Variants in SAXO1 observed in about 807,000 individuals in gnomAD.
SAXO1 encodes the protein 4930500O09Rik.
SAXO1 carries 21 observed loss-of-function variants against 17.5 expected under a neutral mutation model. The observed-to-expected ratio is 1.20, with a 90% CI of 0.85 to 1.72. The LOEUF (loss-of-function observed/expected upper bound fraction) is 1.72. SAXO1 is among the 40% of genes most tolerant of loss of function. The pLI is 0.00. For missense variants in SAXO1, 843 were observed against 596.0 expected (o/e 1.41, Z -4.32); for synonymous variants, 274 against 216.5 (o/e 1.27, Z -2.33).
At chr9:18,944,194 G>T (rs1331375150) in intron 2 of SAXO1, among the ~76,000 whole-genome samples, 1 of 150,138 alleles carries the variant, frequency 6.7e-6, no homozygotes, top group Non-Finnish European at 1.5e-5. Context: ...TAAGGCAAAT[G>T]ATTATGGGGG....
At chr9:18,932,359 G>A (rs188579876) in intron 3 of SAXO1, among the ~76,000 whole-genome samples, 5 of 152,282 alleles carry the variant, frequency 3.3e-5, no homozygotes, top group African/African-American at 1.2e-4. Context: ...GCTTATTTCT[G>A]TACTCTCAAC....
chr9:18,944,398 A>G (rs1359232387), intron 2 of SAXO1, among the ~76,000 whole-genome samples: 1 of 152,228 alleles, frequency 6.6e-6, no homozygotes, highest in African/African-American at 2.4e-5. Context: ...CATGTCCCCA[A>G]TCACACATAA....
intron 1 of SAXO1, among the ~76,000 whole-genome samples, chr9:18,953,364 A>T (rs1041401643): frequency 2.6e-5 from 4 of 152,202 alleles, no homozygotes; most frequent in Non-Finnish European, 5.9e-5. Context: ...GATTTATTCC[A>T]AAAGAAAAAT....
At chr9:18,957,876 T>C (rs1832319933) in intron 1 of SAXO1, among the ~76,000 whole-genome samples, 1 of 152,170 alleles carries the variant, frequency 6.6e-6, no homozygotes, top group South Asian at 2.1e-4. Context: ...TTTATAAACT[T>C]TTAAAATATG....
rs918388645 is a variant in SAXO1 at position 19,012,782 on chromosome 9, T to G, written c.38+20089A>C. 7.9e-5 allele frequency among the ~76,000 whole-genome samples: 12 copies of G among 152,334 alleles called. No homozygotes were observed. The East Asian group carries it at 1.9e-3, about 24-fold the overall frequency. On this transcript the variant is annotated intron_variant, in intron 1 of 3. Coordinates refer to ENST00000380534, the MANE Select transcript of SAXO1 (RefSeq NM_153707.4). The stretch of plus-strand genomic sequence containing the variant: ...AAAATGAGTTTCTAGGCACTCTCAG[T>G]AGATCTGTCTCATTCTAAATAAATT...
intron 1 of SAXO1, among the ~76,000 whole-genome samples, chr9:18,962,331 G>C (rs575397499): frequency 4.6e-5 from 7 of 152,172 alleles, no homozygotes; most frequent in Non-Finnish European, 1.0e-4. Context: ...GCCTCCCAAA[G>C]TGCTGGGATT....
intron 1 of SAXO1, among the ~76,000 whole-genome samples, chr9:19,038,543 T>C (rs1305990482): frequency 7.5e-6 from 1 of 133,674 alleles, no homozygotes; most frequent in African/African-American, 2.9e-5. Flanking sequence ...CACTCATAGA[T>C]GGGAATTGAA....
At chr9:19,020,949 C>T (rs1211691646) in intron 1 of SAXO1, among the ~76,000 whole-genome samples, 1 of 152,218 alleles carries the variant, frequency 6.6e-6, no homozygotes, top group Non-Finnish European at 1.5e-5. Flanking sequence ...TGTCATCCAA[C>T]CCATCTTTCA....
At chr9:18,973,922 G>T (rs979474507) in intron 1 of SAXO1, among the ~76,000 whole-genome samples, 4 of 152,186 alleles carry the variant, frequency 2.6e-5, no homozygotes, top group Non-Finnish European at 5.9e-5. Context: ...CATGTACTAT[G>T]TTGGGTAATA....
chr9:18,942,454 G>T (rs73648811), intron 2 of SAXO1, among the ~76,000 whole-genome samples: 1 of 151,832 alleles, frequency 6.6e-6, no homozygotes, highest in Admixed American at 6.6e-5. Context: ...CACTGCGGAG[G>T]TATCTTCCTT....
chr9:18,962,009 G>A (rs574656628), intron 1 of SAXO1, among the ~76,000 whole-genome samples: 1 of 152,108 alleles, frequency 6.6e-6, no homozygotes, highest in Admixed American at 6.6e-5. Context: ...ACTTTTTAGT[G>A]ATCACCATTC....
Position 18,933,774 on chromosome 9 carries a change from C to T in SAXO1, c.422-4719G>A, listed in dbSNP as rs543173452. 1.6e-4 allele frequency among the ~76,000 whole-genome samples: 25 copies of T among 152,276 alleles called. 1 individual carries two copies. In the South Asian group the frequency reaches 3.3e-3, roughly 20 times the overall value. On this transcript the variant is annotated intron_variant, in intron 3 of 3. Transcript: ENST00000380534. ...AATAATGTCATTTTTGGGCCGGGCA[C>T]GGTGGCTCACGCCTGTAATCCCAGC...
intron 3 of SAXO1, among the ~76,000 whole-genome samples, chr9:18,938,713 C>G (rs1193761976): frequency 6.6e-6 from 1 of 151,994 alleles, no homozygotes; most frequent in Non-Finnish European, 1.5e-5. Context: ...TTGAAGAGGA[C>G]AGCCTGAGAT....
chr9:18,955,105 G>A (rs551302084), intron 1 of SAXO1, among the ~76,000 whole-genome samples: 1 of 152,274 alleles, frequency 6.6e-6, no homozygotes, highest in Non-Finnish European at 1.5e-5. Flanking sequence ...GCTGAGGAGA[G>A]GGGATGCTTG....
chr9:19,031,585 T>G (rs1835775478), intron 1 of SAXO1, among the ~76,000 whole-genome samples: 1 of 152,128 alleles, frequency 6.6e-6, no homozygotes, highest in African/African-American at 2.4e-5. Flanking sequence ...AAAGGCGGCC[T>G]TAGAAAAAAA....
upstream of SAXO1, among the ~76,000 whole-genome samples, chr9:19,037,614 G>A (rs1013867592): frequency 1.3e-5 from 2 of 152,074 alleles, no homozygotes; most frequent in Admixed American, 6.5e-5. Flanking sequence ...TGATTCTGAG[G>A]CCTCCCCAGC....
chr9:18,928,974 T>C lies in SAXO1; in HGVS notation c.503A>G (p.Asp168Gly), dbSNP rs1830915423. The C allele has an allele frequency of 1.2e-6, 2 of 1,614,204 alleles. No individual in the cohort carries two copies. The highest frequency in any genetic ancestry group is 1.7e-6 in the Non-Finnish European group (2 of 1,180,030). The change falls in exon 4 of 4, where the codon GAT becomes GGT. Residue 168 changes from aspartate (D) to glycine (G), a missense_variant. Physicochemically the swap from Asp to Gly is moderately conservative, Grantham distance 94. Transcript: ENST00000380534. ...HKYQPASVRF[D>G]NRTTHQDDYP... ...ATCGTCCTGGTGTGTGGTTCTGTTA[T>C]CAAACCTGACTGATGCCGGCTGGTA...
At chr9:18,996,106 T>C (rs775197922) in intron 1 of SAXO1, among the ~76,000 whole-genome samples, 1 of 152,102 alleles carries the variant, frequency 6.6e-6, no homozygotes. Context: ...AAGAAAGTTT[T>C]ATTATATAAA....
At chr9:19,038,619 A>AG (rs1836001939) in intron 1 of SAXO1, among the ~76,000 whole-genome samples, 1 of 66,438 alleles carries the variant, frequency 1.5e-5, no homozygotes, top group South Asian at 6.7e-4. Flanking sequence ...GGGTGGGGGG[A>AG]GGGGGGAGGG....
Sources: gnomAD v4.1 joint callset for allele counts (sites outside exome capture counted in the v4.1 genomes callset) on GRCh38, gnomAD v4.1.1 for gene constraint, MANE v1.5 for transcripts, NCBI Gene and HGNC (gene_info 2026-07-23, HGNC 2026-07-21) for gene names.